The following CREBRF variants were observed in gnomAD, a reference collection of about 807,000 sequenced individuals.
The protein encoded by CREBRF is CREB3 regulatory factor.
In CREBRF, 5 loss-of-function variants were observed where a neutral mutation model predicts 66.1. That is an observed-to-expected ratio of 0.08 (90% confidence interval 0.04 to 0.16). The LOEUF is 0.16. Among genes scored for constraint, CREBRF ranks in the 10% least tolerant of loss-of-function variants. The pLI is 1.00. For synonymous variants in CREBRF, 229 were observed against 264.4 expected, an observed-to-expected ratio of 0.87 and a Z score of 1.30; for missense variants, 531 against 744.9, an observed-to-expected ratio of 0.71 and a Z score of 3.34.
At chr5:173,078,028 A>C (rs183549214) in intron 1 of CREBRF, among the ~76,000 whole-genome samples, 310 of 152,306 alleles carry the variant, frequency 2.0e-3, no homozygotes, top group Middle Eastern at 6.8e-3. Flanking sequence ...CATGAACATA[A>C]GTGTAGACAT....
chr5:173,115,578 G>T (rs899568251), intron 7 of CREBRF, among the ~76,000 whole-genome samples: 3 of 152,136 alleles, frequency 2.0e-5, no homozygotes, highest in Non-Finnish European at 4.4e-5. Context: ...TGATATAGGA[G>T]GTTAGCTCTA....
In CREBRF at chr5:173,133,822, C is replaced by T. The variant is rs991128121; in HGVS notation, c.*77C>T. The T allele has an allele frequency of 3.6e-5, 27 of 744,776 alleles. No individual in the cohort carries two copies. The highest frequency in any genetic ancestry group is 5.7e-5 in the Non-Finnish European group (25 of 436,566). The allele number at this position is 744,776 out of a possible 1,614,324, so 46.1% of individuals were successfully genotyped here. ...CATTGTAAATTTTCATTCTGTTTTG[C>T]ATGTCAGTTAGCATTATGTAAACAT... On this transcript the variant is annotated 3_prime_UTR_variant, in exon 9 of 9. Transcript: ENST00000296953.
At chr5:173,098,741 T>C (rs1758540301) in intron 4 of CREBRF, among the ~76,000 whole-genome samples, 1 of 152,188 alleles carries the variant, frequency 6.6e-6, no homozygotes, top group South Asian at 2.1e-4. Context: ...GTTCTATTAA[T>C]ATTTGGTTCA....
At chr5:173,094,448 C>T (rs1422885878) in intron 4 of CREBRF, among the ~76,000 whole-genome samples, 2 of 152,080 alleles carry the variant, frequency 1.3e-5, no homozygotes, top group Non-Finnish European at 2.9e-5. Flanking sequence ...ATAACACTTG[C>T]TTTCATTTAT....
chr5:173,125,538 T>C (rs1759249192), intron 8 of CREBRF, among the ~76,000 whole-genome samples: 1 of 152,212 alleles, frequency 6.6e-6, no homozygotes, highest in South Asian at 2.1e-4. Context: ...AGCTTTTCTT[T>C]TTTCACAGAG....
intron 1 of CREBRF, among the ~76,000 whole-genome samples, chr5:173,058,285 G>C (rs1414022707): frequency 6.6e-6 from 1 of 152,096 alleles, no homozygotes; most frequent in South Asian, 2.1e-4. Context: ...GTTTACATCG[G>C]ATTACAACCT....
chr5:173,092,164 A>G (rs897291033), intron 4 of CREBRF: 1 of 925,884 alleles, frequency 1.1e-6, no homozygotes, highest in Non-Finnish European at 1.3e-6. Flanking sequence ...TTAGGAGTAT[A>G]TAGAATGTTG....
chr5:173,092,223 CTA>C, intron 4 of CREBRF: 2 of 967,518 alleles, frequency 2.1e-6, no homozygotes, highest in East Asian at 2.3e-4. Context: ...CCAACAAAGT[CTA>C]TTTATGAATA....
At chr5:173,070,797 A>G (rs775071808) in intron 1 of CREBRF, among the ~76,000 whole-genome samples, 1 of 152,156 alleles carries the variant, frequency 6.6e-6, no homozygotes, top group Non-Finnish European at 1.5e-5. Flanking sequence ...CAATAAATAT[A>G]TATTGAATAA....
chr5:173,133,780 C>T lies in CREBRF; in HGVS notation c.*35C>T, dbSNP rs1231533383. The T allele has an allele frequency of 3.7e-6, 4 of 1,081,946 alleles. No individual in the cohort carries two copies. Among genetic ancestry groups the T allele is most frequent in the Admixed American group, 3.9e-5 (2 of 50,768 alleles). 67.0% of individuals were successfully genotyped at this position (1,081,946 alleles called of 1,614,324 possible). ...TTGGACCACTGGTCAGAAATGTCTG[C>T]GTTTTGTCACGTTATCCATTGTAAA... On this transcript the variant is annotated 3_prime_UTR_variant, in exon 9 of 9. Coordinates refer to ENST00000296953, the MANE Select transcript of CREBRF (RefSeq NM_153607.3).
chr5:173,073,550 T>G (rs1757656961), intron 1 of CREBRF, among the ~76,000 whole-genome samples: 1 of 152,376 alleles, frequency 6.6e-6, no homozygotes, highest in South Asian at 2.1e-4. Context: ...TCTTGTGCTC[T>G]GAACAACTTA....
At chr5:173,080,417 T>C (rs908837905) in intron 1 of CREBRF, among the ~76,000 whole-genome samples, 168 bp from the exon 2 acceptor site, 6 of 152,190 alleles carry the variant, frequency 3.9e-5, no homozygotes, top group African/African-American at 1.4e-4. Flanking sequence ...AATTTCAGAA[T>C]AGTAAGTATT....
chr5:173,104,516 C>T (rs1446447101), intron 4 of CREBRF, among the ~76,000 whole-genome samples: 1 of 151,922 alleles, frequency 6.6e-6, no homozygotes, highest in African/African-American at 2.4e-5. Context: ...CCTGTCTCTA[C>T]AAAAAATACA....
intron 4 of CREBRF, among the ~76,000 whole-genome samples, chr5:173,097,502 C>T (rs1315393739): frequency 6.6e-6 from 1 of 152,158 alleles, no homozygotes; most frequent in Non-Finnish European, 1.5e-5. Flanking sequence ...GCCTCGGCCT[C>T]CCAAAGTGCT....
intron 4 of CREBRF, among the ~76,000 whole-genome samples, chr5:173,106,349 G>A (rs1194246296): frequency 6.6e-6 from 1 of 151,816 alleles, no homozygotes; most frequent in Non-Finnish European, 1.5e-5. Flanking sequence ...AGAATGGTGT[G>A]AACCTGGGAG....
chr5:173,064,891 TAGAG>T (rs898831740), intron 1 of CREBRF, among the ~76,000 whole-genome samples: 3 of 151,790 alleles, frequency 2.0e-5, no homozygotes, highest in Non-Finnish European at 2.9e-5. Flanking sequence ...AAATTATTTG[TAGAG>T]AGAGAGTTTT....
chr5:173,084,148 G>T (rs771388182), intron 2 of CREBRF, among the ~76,000 whole-genome samples: 4 of 152,108 alleles, frequency 2.6e-5, no homozygotes, highest in African/African-American at 4.8e-5. Flanking sequence ...ATTAAATGAG[G>T]CATTTACTAT....
chr5:173,118,571 T>G (rs971729405), intron 7 of CREBRF, among the ~76,000 whole-genome samples: 2 of 152,190 alleles, frequency 1.3e-5, no homozygotes, highest in Non-Finnish European at 2.9e-5. Flanking sequence ...TATAAATATC[T>G]GGTTGATCAG....
At chr5:173,064,658 G>A (rs1228258548) in intron 1 of CREBRF, among the ~76,000 whole-genome samples, 6 of 149,300 alleles carry the variant, frequency 4.0e-5, no homozygotes, top group African/African-American at 9.9e-5. Flanking sequence ...TCCACCTCCC[G>A]GGTTCAAGCG....
Sources: allele counts gnomAD v4.1 joint callset (sites outside exome capture counted in the v4.1 genomes callset), GRCh38; gene constraint gnomAD v4.1.1; transcripts MANE v1.5; gene names NCBI Gene and HGNC (gene_info 2026-07-23, HGNC 2026-07-21).